The following NDUFAF2 variants were observed in gnomAD, a reference collection of about 807,000 sequenced individuals.
NDUFAF2 encodes the protein NADH:ubiquinone oxidoreductase complex assembly factor 2, also known as NADH dehydrogenase [ubiquinone] 1 alpha subcomplex assembly factor 2.
Under a neutral mutation model 22.8 loss-of-function variants are expected in NDUFAF2, and 13 were observed. The observed-to-expected ratio is 0.57, with a 90% CI of 0.37 to 0.91. NDUFAF2 has a LOEUF of 0.91. Ranked by LOEUF, NDUFAF2 falls within the 40% of genes least tolerant of loss-of-function variation. NDUFAF2 has a pLI of 0.01. For missense variants in NDUFAF2, 162 were observed against 195.2 expected (o/e 0.83, Z 1.01); for synonymous variants, 53 against 64.2 (o/e 0.83, Z 0.84).
At chr5:61,088,174 T>C (rs1325399670) in intron 2 of NDUFAF2, among the ~76,000 whole-genome samples, 2 of 152,072 alleles carry the variant, frequency 1.3e-5, no homozygotes, top group African/African-American at 2.4e-5. Flanking sequence ...TGGCAATTTC[T>C]TGCCAATGGT....
chr5:61,002,880 A>G (rs1359790607), intron 1 of NDUFAF2, among the ~76,000 whole-genome samples: 3 of 152,160 alleles, frequency 2.0e-5, no homozygotes, highest in African/African-American at 7.2e-5. Flanking sequence ...ACTAAAATTG[A>G]CAGCATAATC....
intron 1 of NDUFAF2, among the ~76,000 whole-genome samples, chr5:61,068,266 A>G (rs548214524): frequency 1.0e-3 from 157 of 152,222 alleles, no homozygotes; most frequent in Non-Finnish European, 2.0e-3. Flanking sequence ...TTTACTGCCT[A>G]TGCTTAACAA....
At chr5:61,131,258 A>G (rs936360613) in intron 3 of NDUFAF2, among the ~76,000 whole-genome samples, 1 of 151,272 alleles carries the variant, frequency 6.6e-6, no homozygotes, top group African/African-American at 2.4e-5. Context: ...TGCAGTGGAA[A>G]GATCATAGCT....
chr5:60,961,107 A>T (rs908825695), intron 1 of NDUFAF2, among the ~76,000 whole-genome samples: 11 of 152,062 alleles, frequency 7.2e-5, no homozygotes, highest in African/African-American at 2.7e-4. Flanking sequence ...GAGAGAGAGG[A>T]TGAAGTTCGA....
At chr5:61,044,842 T>A (rs1219596881) in intron 1 of NDUFAF2, among the ~76,000 whole-genome samples, 1 of 152,026 alleles carries the variant, frequency 6.6e-6, no homozygotes, top group Non-Finnish European at 1.5e-5. Context: ...TTTAAGATTG[T>A]TTTTTCTATC....
At chr5:61,035,564 T>G (rs761444789) in intron 1 of NDUFAF2, among the ~76,000 whole-genome samples, 14 of 151,792 alleles carry the variant, frequency 9.2e-5, no homozygotes, top group Non-Finnish European at 2.1e-4. Flanking sequence ...ACACCATTTT[T>G]TATACCTTGT....
intron 1 of NDUFAF2, among the ~76,000 whole-genome samples, chr5:60,956,968 G>GA (rs1352260121): frequency 6.6e-6 from 1 of 151,980 alleles, no homozygotes; most frequent in African/African-American, 2.4e-5. Flanking sequence ...CAAACTTTGA[G>GA]AAACCGGATC....
chr5:61,114,152 C>A (rs138365475), intron 3 of NDUFAF2, among the ~76,000 whole-genome samples: 44 of 152,216 alleles, frequency 2.9e-4, no homozygotes, highest in African/African-American at 1.0e-3. Context: ...TTGAGACCAG[C>A]AACTCTTAGA....
At chr5:61,119,212 A>C (rs1487836498) in intron 3 of NDUFAF2, among the ~76,000 whole-genome samples, 1 of 152,202 alleles carries the variant, frequency 6.6e-6, no homozygotes, top group East Asian at 1.9e-4. Flanking sequence ...AAGTCCTTTT[A>C]AAAGCCTTAA....
chr5:61,029,845 G>A (rs538438453), intron 1 of NDUFAF2, among the ~76,000 whole-genome samples: 3 of 152,056 alleles, frequency 2.0e-5, no homozygotes, highest in Non-Finnish European at 2.9e-5. Flanking sequence ...TCCCCTTGCC[G>A]GCAGCTAGCC....
rs184618481 is a variant in NDUFAF2 at position 61,031,395 on chromosome 5, A to G, written c.128-41730A>G. The stretch of plus-strand genomic sequence containing the variant: ...TGTTCACCTCTCACTTATGAGTGAG[A>G]ATATGTGGTGTTTGGTTTTCTGTTT... On this transcript the variant is annotated intron_variant, in intron 1 of 3. Transcript: ENST00000296597. Among the ~76,000 whole-genome samples the G allele has an allele frequency of 9.9e-5, 15 of 152,034 alleles. No individual in the cohort carries two copies. The East Asian group carries it at 2.9e-3, about 29-fold the overall frequency.
At chr5:61,014,557 A>C (rs1049339391) in intron 1 of NDUFAF2, among the ~76,000 whole-genome samples, 1 of 152,150 alleles carries the variant, frequency 6.6e-6, no homozygotes, top group South Asian at 2.1e-4. Flanking sequence ...GTTGGTAGGA[A>C]GTACAGATGG....
At chr5:61,066,520 A>G (rs1752230126) in intron 1 of NDUFAF2, among the ~76,000 whole-genome samples, 1 of 152,114 alleles carries the variant, frequency 6.6e-6, no homozygotes, top group South Asian at 2.1e-4. Flanking sequence ...CGGTACTGGC[A>G]TAATAATAGG....
chr5:61,142,060 A>G (rs1741067937), intron 3 of NDUFAF2, among the ~76,000 whole-genome samples: 1 of 152,136 alleles, frequency 6.6e-6, no homozygotes, highest in Non-Finnish European at 1.5e-5. Context: ...TTTTTCTCCC[A>G]GGGATTATGG....
chr5:61,132,237 G>GAAC (rs1753121087), intron 3 of NDUFAF2, among the ~76,000 whole-genome samples: 1 of 152,178 alleles, frequency 6.6e-6, no homozygotes, highest in Non-Finnish European at 1.5e-5. Context: ...CGAGGATTTA[G>GAAC]AACAGTACCT....
chr5:61,082,817 T>A lies in NDUFAF2; in HGVS notation c.217+9603T>A, dbSNP rs937413804. Among the ~76,000 whole-genome samples the A allele has an allele frequency of 3.9e-5, 6 of 152,342 alleles. 1 individual carries two copies. The highest frequency in any genetic ancestry group is 6.5e-5 in the Admixed American group (1 of 15,298). On this transcript the variant is annotated intron_variant, in intron 2 of 3. Coordinates refer to ENST00000296597, the MANE Select transcript of NDUFAF2 (RefSeq NM_174889.5). Reference sequence around the variant, plus strand: ...TCCACTTTTTTGCTATTGTGAATAGTGCTGCAATAACCGTGCGAATGCATG... The same window carrying A: ...TCCACTTTTTTGCTATTGTGAATAGAGCTGCAATAACCGTGCGAATGCATG...
intron 3 of NDUFAF2, among the ~76,000 whole-genome samples, chr5:61,102,237 G>A (rs1194050900): frequency 1.3e-5 from 2 of 152,220 alleles, no homozygotes; most frequent in Non-Finnish European, 2.9e-5. Flanking sequence ...CATGAAAAAG[G>A]AGATGAAAAT....
At chr5:61,083,023 A>G (rs1240795381) in intron 2 of NDUFAF2, among the ~76,000 whole-genome samples, 1 of 152,090 alleles carries the variant, frequency 6.6e-6, no homozygotes, top group Non-Finnish European at 1.5e-5. Context: ...TTTCTTTGCA[A>G]CTTCACCAAC....
At chr5:60,976,074 T>C (rs1561532075) in intron 1 of NDUFAF2, among the ~76,000 whole-genome samples, 2 of 152,224 alleles carry the variant, frequency 1.3e-5, no homozygotes, top group Admixed American at 6.5e-5. Context: ...CTAATCTTTG[T>C]TCTAATTTTG....
Sources: allele counts gnomAD v4.1 joint callset (sites outside exome capture counted in the v4.1 genomes callset), GRCh38; gene constraint gnomAD v4.1.1; transcripts MANE v1.5; gene names NCBI Gene and HGNC (gene_info 2026-07-23, HGNC 2026-07-21).